ACADS: variants seen among roughly 807,000 people sequenced by gnomAD.
ACADS encodes acyl-CoA dehydrogenase short chain, also known as short-chain specific acyl-CoA dehydrogenase, mitochondrial.
ACADS carries 28 observed loss-of-function variants against 46.8 expected under a neutral mutation model. The ratio of observed to expected loss-of-function variants is 0.60; its 90% CI spans 0.44 to 0.82. The LOEUF (loss-of-function observed/expected upper bound fraction) is 0.82. ACADS is among the 40% of genes least tolerant of loss of function. ACADS has a pLI of 0.00. For missense variants in ACADS, 528 were observed against 578.0 expected (o/e 0.91, Z 0.89); for synonymous variants, 236 against 237.7 (o/e 0.99, Z 0.07).
intron 2 of ACADS, among the ~76,000 whole-genome samples, chr12:120,729,731 C>T (rs1430188375): frequency 6.6e-6 from 1 of 152,104 alleles, no homozygotes; most frequent in African/African-American, 2.4e-5. Context: ...CTGTAGCTGG[C>T]CACAGTTTGT....
rs1592934237 is a variant in ACADS, at chr12:120,728,688, G to T, written c.210+1499G>T. On this transcript the variant is annotated intron_variant, in intron 2 of 9. Transcript: ENST00000242592. The surrounding 1 kb of genome is among the most constrained non-coding windows in gnomAD (Gnocchi z 4.0). ...TACCCGGCTAATTTTATGTATTTTA[G>T]TAGAGACGGGGTTTCACCGTGTTGC... Among the ~76,000 whole-genome samples, 8 of 151,616 alleles carry T rather than the reference G, an allele frequency of 5.3e-5. No individual in the cohort carries two copies. The South Asian group carries it at 1.7e-3, about 32-fold the overall frequency.
chr12:120,738,733 C>T (rs1276453547), intron 7 of ACADS, 63 bp downstream of exon 7: 2 of 1,609,538 alleles, frequency 1.2e-6, no homozygotes, highest in East Asian at 2.2e-5. Context: ...AGTGTGGCCT[C>T]CTGACTGCTC....
rs372193847 is a variant in ACADS, at chr12:120,735,961, G to T, written c.211-1025G>T. Among the ~76,000 whole-genome samples, 12 of 149,938 alleles carry T rather than the reference G, an allele frequency of 8.0e-5. No individual in the cohort carries two copies. The South Asian group carries it at 1.8e-3, about 22-fold the overall frequency. On this transcript the variant is annotated intron_variant, in intron 2 of 9. Transcript: ENST00000242592. ...TTGCAGGAATGAGATTGTATAAAAG[G>T]GCTCGTGAAAAGCAACGGTTCCCTC...
At chr12:120,727,258 ACAGT>A in intron 2 of ACADS, 69 bp downstream of exon 2, 8 of 1,588,098 alleles carry the variant, frequency 5.0e-6, no homozygotes, top group East Asian at 2.2e-5. Flanking sequence ...GGTGGCAGTG[ACAGT>A]CAGCGGCACT....
chr12:120,726,974 T>A, intron 1 of ACADS, 52 bp from the exon 2 acceptor site: 3 of 1,606,950 alleles, frequency 1.9e-6, no homozygotes, highest in Non-Finnish European at 1.7e-6. Context: ...TCACTAGGAT[T>A]CTTGGAGACC....
intron 2 of ACADS, among the ~76,000 whole-genome samples, chr12:120,732,432 G>A (rs2093334195): frequency 6.6e-6 from 1 of 151,410 alleles, no homozygotes; most frequent in African/African-American, 2.4e-5. Context: ...TCTCAGACGG[G>A]GTGGCTGCCA....
At chr12:120,732,205 C>G (rs1034628679) in intron 2 of ACADS, among the ~76,000 whole-genome samples, 3 of 146,698 alleles carry the variant, frequency 2.0e-5, no homozygotes, top group South Asian at 2.2e-4. Context: ...CTTCCCAGTA[C>G]GGGCGGCCGG....
chr12:120,727,327 G>A, intron 2 of ACADS, 138 bp downstream of exon 2: 1 of 1,180,130 alleles, frequency 8.5e-7, no homozygotes, highest in East Asian at 2.4e-5. Flanking sequence ...AAATGCTCTG[G>A]AAGTTTCCCT....
chr12:120,731,773 A>G (rs1883255804), intron 2 of ACADS, among the ~76,000 whole-genome samples: 2 of 152,060 alleles, frequency 1.3e-5, no homozygotes, highest in Admixed American at 6.5e-5. Context: ...TCCTAGGCAG[A>G]GGACCCTGCG....
chr12:120,737,595 A>G, intron 4 of ACADS, 128 bp downstream of exon 4: 3 of 1,108,214 alleles, frequency 2.7e-6, no homozygotes, highest in Non-Finnish European at 4.0e-6. Context: ...TGGTAGGGTG[A>G]GCGCTCTTGC....
Position 120,737,145 on chromosome 12 carries a change from CT to C in ACADS, c.360+11del, listed in dbSNP as rs777647514. ...CATGAGTGTCAACAACGTGAGCCCC[CT>C]CCCAGGCCCCTGGGACACACGGGTG... On this transcript the variant is annotated intron_variant, in intron 3 of 9. Coordinates refer to ENST00000242592, the MANE Select transcript of ACADS (RefSeq NM_000017.4). 1 of 1,571,984 alleles carries C rather than the reference CT, an allele frequency of 6.4e-7. No individual in the cohort carries two copies. The highest frequency in any genetic ancestry group is 8.6e-7 in the Non-Finnish European group (1 of 1,157,572).
At chr12:120,725,962 C>T (rs1446222387) in intron 1 of ACADS, 31 bp downstream of exon 1, 1 of 1,516,140 alleles carries the variant, frequency 6.6e-7, no homozygotes, top group Admixed American at 2.0e-5. Flanking sequence ...TACGGCGGGG[C>T]TTCAGCCCGC....
chr12:120,738,546 T>C lies in ACADS; in HGVS notation c.809T>C (p.Met270Thr). 6.2e-7 allele frequency: 1 copy of C among 1,610,402 alleles called. No individual in the cohort carries two copies. Among genetic ancestry groups the C allele is most frequent in the South Asian group, 1.1e-5 (1 of 91,088 alleles). The change falls in exon 7 of 10, where the codon ATG becomes ACG. Residue 270 changes from methionine to threonine, a missense_variant. Coordinates refer to ENST00000242592, the MANE Select transcript of ACADS (RefSeq NM_000017.4). ...GFKIAMQTLD[M>T]GRIGIASQAL... Reference sequence around the variant, plus strand: ...CGGTCCCCACAGCAAACCCTGGACATGGGCCGCATCGGCATCGCCTCCCAG... The same window carrying C: ...CGGTCCCCACAGCAAACCCTGGACACGGGCCGCATCGGCATCGCCTCCCAG...
At chr12:120,733,236 G>GAAAGAGA (rs1883322637) in intron 2 of ACADS, among the ~76,000 whole-genome samples, 2 of 151,606 alleles carry the variant, frequency 1.3e-5, no homozygotes, top group Admixed American at 1.3e-4. Context: ...GGGAGACCGG[G>GAAAGAGA]GGGAGAGGGA....
chr12:120,736,798 G>A (rs1011079467), intron 2 of ACADS, among the ~76,000 whole-genome samples, 188 bp from the exon 3 acceptor site: 1 of 152,152 alleles, frequency 6.6e-6, no homozygotes, highest in African/African-American at 2.4e-5. Flanking sequence ...AATGAGAAGT[G>A]CCATCATATA....
intron 2 of ACADS, among the ~76,000 whole-genome samples, chr12:120,736,492 G>A (rs1322291957): frequency 9.2e-5 from 14 of 152,198 alleles, no homozygotes; most frequent in Admixed American, 8.5e-4. Flanking sequence ...TGAAGGATTT[G>A]ACTCAGCGAG....
intron 2 of ACADS, among the ~76,000 whole-genome samples, chr12:120,730,847 A>G (rs1883227384): frequency 1.3e-5 from 2 of 152,192 alleles, no homozygotes; most frequent in Non-Finnish European, 1.5e-5. Context: ...GGCTTGAGCT[A>G]GTTTAGCCTT....
In ACADS at chr12:120,737,185, G is replaced by A. The variant is rs116641481; in HGVS notation, c.360+50G>A. The A allele has an allele frequency of 3.5e-4, 541 of 1,552,316 alleles. 4 individuals carry two copies. The African/African-American group carries it at 6.6e-3, about 19-fold the overall frequency. On this transcript the variant is annotated intron_variant, in intron 3 of 9. Coordinates refer to ENST00000242592, the MANE Select transcript of ACADS (RefSeq NM_000017.4). ...GACACACGGGTGGAGGGAGGCTCCC[G>A]TGAGCGGGCAGGCTCTGGCCTCGGC...
In ACADS at chr12:120,725,913, T is replaced by C; in HGVS notation, c.28T>C (p.Ser10Pro). The C allele has an allele frequency of 1.3e-6, 2 of 1,556,654 alleles. No individual in the cohort carries two copies. The highest frequency in any genetic ancestry group is 1.7e-6 in the Non-Finnish European group (2 of 1,160,686). ...GGCCGCCGCGCTGCTCGCCCGGGCC[T>C]CGGGCCCTGCCCGCAGAGGTGAGTG... MAAALLARASGPARRALCPR... is the reference protein window; with the variant it reads MAAALLARAPGPARRALCPR... The change falls in exon 1 of 10, where the codon TCG (serine) becomes CCG (proline). Residue 10 changes from serine to proline, a missense_variant. Transcript: ENST00000242592.
Sources: allele counts gnomAD v4.1 joint callset (sites outside exome capture counted in the v4.1 genomes callset), GRCh38; gene constraint gnomAD v4.1.1; non-coding constraint Gnocchi (gnomAD v3.1); transcripts MANE v1.5; gene names NCBI Gene and HGNC (gene_info 2026-07-23, HGNC 2026-07-21).